Variants in PTGFRN observed in about 807,000 individuals in gnomAD.
PTGFRN encodes prostaglandin F2 receptor inhibitor, also known as prostaglandin F2 receptor negative regulator.
Under a neutral mutation model 83.2 loss-of-function variants are expected in PTGFRN, and 35 were observed. The ratio of observed to expected loss-of-function variants is 0.42; its 90% CI spans 0.32 to 0.56. PTGFRN has a LOEUF of 0.56. PTGFRN is among the 20% of genes least tolerant of loss of function. The probability of loss-of-function intolerance (pLI) is 0.11; values close to 1 mark genes in which losing one functional copy is unlikely to be tolerated. For synonymous variants in PTGFRN, 519 were observed against 498.6 expected (o/e 1.04, Z -0.55); for missense variants, 1,051 against 1,179.5 (o/e 0.89, Z 1.60).
intron 4 of PTGFRN, among the ~76,000 whole-genome samples, chr1:116,960,021 A>G (rs1340276082): frequency 6.6e-6 from 1 of 152,198 alleles, no homozygotes; most frequent in Non-Finnish European, 1.5e-5. Flanking sequence ...TAAAAGCCTG[A>G]ACATTCAGGC....
chr1:116,971,150 A>G (rs1460682809), intron 6 of PTGFRN, among the ~76,000 whole-genome samples: 3 of 152,136 alleles, frequency 2.0e-5, no homozygotes, highest in Admixed American at 2.0e-4. Flanking sequence ...TGACTTTGAG[A>G]TCAAGCTGTA....
intron 7 of PTGFRN, among the ~76,000 whole-genome samples, chr1:116,978,121 A>G (rs1049192381): frequency 1.3e-5 from 2 of 152,248 alleles, no homozygotes; most frequent in Non-Finnish European, 2.9e-5. Context: ...TAGAAAATCT[A>G]GAAGAAATGG....
intron 1 of PTGFRN, among the ~76,000 whole-genome samples, chr1:116,924,140 T>C (rs1649598594): frequency 6.8e-6 from 1 of 147,308 alleles, no homozygotes; most frequent in African/African-American, 2.7e-5. Flanking sequence ...TACCTGTGCA[T>C]GTATTTTTTT....
chr1:116,949,690 G>A (rs1228487704), intron 4 of PTGFRN, 118 bp downstream of exon 4: 1 of 1,382,744 alleles, frequency 7.2e-7, no homozygotes, highest in Non-Finnish European at 9.7e-7. Flanking sequence ...ATTTCTATTG[G>A]TTCATGCATA....
intron 7 of PTGFRN, among the ~76,000 whole-genome samples, chr1:116,979,743 T>C (rs573319763): frequency 2.6e-5 from 4 of 152,300 alleles, no homozygotes; most frequent in Admixed American, 2.0e-4. Flanking sequence ...AAGACTTAAA[T>C]GTTAGACCTA....
Position 116,914,081 on chromosome 1 carries a change from C to T in PTGFRN, c.49+3829C>T, listed in dbSNP as rs889189838. 1.4e-4 allele frequency among the ~76,000 whole-genome samples: 21 copies of T among 152,140 alleles called. No homozygotes were observed. In the South Asian group the frequency reaches 1.7e-3, roughly 12 times the overall value. Reference sequence around the variant, plus strand: ...AATAGATGTGTCTTATATAACAATGCGAGGGAGATGCTTCAGAGGAAAGGG... The same window carrying T: ...AATAGATGTGTCTTATATAACAATGTGAGGGAGATGCTTCAGAGGAAAGGG... On this transcript the variant is annotated intron_variant, in intron 1 of 8. Coordinates refer to ENST00000393203, the MANE Select transcript of PTGFRN (RefSeq NM_020440.4).
intron 1 of PTGFRN, among the ~76,000 whole-genome samples, chr1:116,931,311 G>T (rs1442142084): frequency 1.3e-5 from 2 of 152,146 alleles, no homozygotes; most frequent in African/African-American, 2.4e-5. Flanking sequence ...AGTTTGCACT[G>T]TTCCACACCT....
intron 6 of PTGFRN, among the ~76,000 whole-genome samples, chr1:116,971,566 T>C (rs1350049912): frequency 6.6e-6 from 1 of 152,158 alleles, no homozygotes; most frequent in Non-Finnish European, 1.5e-5. Context: ...AAATTGACCA[T>C]AATGAAAATA....
chr1:116,940,425 G>A (rs763702155), intron 1 of PTGFRN, among the ~76,000 whole-genome samples: 8 of 152,124 alleles, frequency 5.3e-5, no homozygotes, highest in Non-Finnish European at 1.2e-4. Context: ...GGATACAGTC[G>A]TATTGGATTA....
At chr1:116,912,499 C>T (rs76674123) in intron 1 of PTGFRN, among the ~76,000 whole-genome samples, 3,301 of 152,254 alleles carry the variant, frequency 0.022, 55 homozygotes, top group Non-Finnish European at 0.034. Flanking sequence ...TCCATATTCA[C>T]GTAGTCTCTC....
chr1:116,931,118 T>C (rs888273254), intron 1 of PTGFRN, among the ~76,000 whole-genome samples: 4 of 152,190 alleles, frequency 2.6e-5, no homozygotes, highest in African/African-American at 9.6e-5. Flanking sequence ...ATCTGAAACT[T>C]TTTGAGCACT....
chr1:116,946,264 C>T (rs1004305645), intron 3 of PTGFRN, among the ~76,000 whole-genome samples: 17 of 152,172 alleles, frequency 1.1e-4, no homozygotes, highest in African/African-American at 3.9e-4. Flanking sequence ...TCTGCACTTA[C>T]ACCACAGCAC....
In PTGFRN at chr1:116,967,089, C is replaced by A; in HGVS notation, c.1818C>A (p.Ile606=). Residue 606 remains isoleucine (I), a synonymous_variant, in exon 6 of 9, where the codon ATC becomes ATA. Transcript: ENST00000393203. The part of the protein sequence containing the change: ...LSSPNETKYI[I]SLDQDSVVKL... ...GTCCCAATGAAACGAAGTACATCATCTCTCTGGACCAGGATTCTGTGGTGA... is the reference window on the plus strand; with the variant it reads ...GTCCCAATGAAACGAAGTACATCATATCTCTGGACCAGGATTCTGTGGTGA... The A allele has an allele frequency of 6.2e-7, 1 of 1,614,222 alleles. No individual in the cohort carries two copies. The highest frequency in any genetic ancestry group is 8.5e-7 in the Non-Finnish European group (1 of 1,180,048).
chr1:116,957,110 T>A (rs1017773552), intron 4 of PTGFRN, among the ~76,000 whole-genome samples: 3 of 150,654 alleles, frequency 2.0e-5, no homozygotes, highest in Non-Finnish European at 3.0e-5. Context: ...TTTAACTCTC[T>A]CTCTCTCTCT....
intron 6 of PTGFRN, among the ~76,000 whole-genome samples, chr1:116,971,350 C>CT (rs2101083133): frequency 6.6e-6 from 1 of 152,252 alleles, no homozygotes; most frequent in South Asian, 2.1e-4. Flanking sequence ...AAAACTGCCA[C>CT]TAACAGCTTT....
Position 116,952,522 on chromosome 1 carries a change from CAT to C in PTGFRN, c.1213+2952_1213+2953del, listed in dbSNP as rs545777170. On this transcript the variant is annotated intron_variant, in intron 4 of 8. Coordinates refer to ENST00000393203, the MANE Select transcript of PTGFRN (RefSeq NM_020440.4). This position sits in a 1 kb window ranked among gnomAD's most constrained non-coding sequence, Gnocchi z 4.0. ...ATGAGGTACAGTTTAAAGCAGGAGA[CAT>C]AAAATCAAGATCAAAAGGGTAAAAG... Among the ~76,000 whole-genome samples the C allele has an allele frequency of 2.0e-5, 3 of 152,146 alleles. No homozygotes were observed. In the South Asian group the frequency reaches 6.2e-4, roughly 32 times the overall value.
chr1:116,936,547 C>T (rs1198349684), intron 1 of PTGFRN, among the ~76,000 whole-genome samples: 1 of 152,170 alleles, frequency 6.6e-6, no homozygotes, highest in African/African-American at 2.4e-5. Flanking sequence ...GAAGGCTTCA[C>T]AGAGGAGGTG....
At position 116,984,854 on chromosome 1, in the gene PTGFRN, A is replaced by G; in HGVS notation, c.2342A>G (p.His781Arg). ...GTGCTGGAATTCTTGCTGCAAGTGC[A>G]TGGCTCCGAGGACCAGGACTTTGGC... Reference protein sequence around the residue: ...VSVLEFLLQVHGSEDQDFGNY... With the variant: ...VSVLEFLLQVRGSEDQDFGNY... The change falls in exon 8 of 9, where the codon CAT becomes CGT. Residue 781 changes from histidine to arginine, a missense_variant. This residue lies in a region of PTGFRN where 719 missense variants were observed against 836.6 expected (regional missense o/e 0.86). Transcript: ENST00000393203. 2 of 1,614,160 alleles carry G rather than the reference A, an allele frequency of 1.2e-6. No homozygotes were observed. Among genetic ancestry groups the G allele is most frequent in the Non-Finnish European group, 8.5e-7 (1 of 1,180,026 alleles).
At chr1:116,914,994 C>G (rs1376487044) in intron 1 of PTGFRN, among the ~76,000 whole-genome samples, 1 of 152,172 alleles carries the variant, frequency 6.6e-6, no homozygotes, top group African/African-American at 2.4e-5. Flanking sequence ...TTGAGAAAGT[C>G]ACTATTTTGT....
Sources: allele counts gnomAD v4.1 joint callset (sites outside exome capture counted in the v4.1 genomes callset), GRCh38; gene constraint gnomAD v4.1.1; regional missense constraint gnomAD v4.1.1; non-coding constraint Gnocchi (gnomAD v3.1); transcripts MANE v1.5; gene names NCBI Gene and HGNC (gene_info 2026-07-23, HGNC 2026-07-21).